DGKH: variants seen among roughly 807,000 people sequenced by gnomAD.
The protein encoded by DGKH is DAG kinase eta.
DGKH carries 90 observed loss-of-function variants against 159.3 expected under a neutral mutation model. The ratio of observed to expected loss-of-function variants is 0.57; its 90% CI spans 0.48 to 0.67. DGKH has a LOEUF of 0.67. Among genes scored for constraint, DGKH ranks in the 30% least tolerant of loss-of-function variants. DGKH has a pLI of 0.00. For synonymous variants in DGKH, 536 were observed against 553.8 expected (o/e 0.97, Z 0.45); for missense variants, 1,181 against 1,506.1 (o/e 0.78, Z 3.57).
At chr13:42,058,162 T>C (rs910540363) in intron 1 of DGKH, among the ~76,000 whole-genome samples, 1 of 152,024 alleles carries the variant, frequency 6.6e-6, no homozygotes, top group African/African-American at 2.4e-5. Flanking sequence ...AAAATAGAGA[T>C]AGGTGAAAAA....
At chr13:42,098,136 A>G (rs1158657947) in intron 1 of DGKH, among the ~76,000 whole-genome samples, 1 of 152,190 alleles carries the variant, frequency 6.6e-6, no homozygotes, top group Non-Finnish European at 1.5e-5. Context: ...GGTGTTTTTA[A>G]TTAGGAATTT....
chr13:42,200,366 G>A (rs1215839101), intron 20 of DGKH, among the ~76,000 whole-genome samples: 3 of 152,082 alleles, frequency 2.0e-5, no homozygotes, highest in Admixed American at 1.3e-4. Flanking sequence ...GAGATTTTGA[G>A]CATTTAAATG....
intron 1 of DGKH, among the ~76,000 whole-genome samples, chr13:42,114,710 A>G (rs1321418567): frequency 6.6e-6 from 1 of 152,252 alleles, no homozygotes; most frequent in Non-Finnish European, 1.5e-5. Context: ...CCATTATTAT[A>G]TTAAATAAAA....
chr13:42,190,674 T>C, intron 16 of DGKH, 149 bp downstream of exon 16: 1 of 712,206 alleles, frequency 1.4e-6, no homozygotes, highest in Non-Finnish European at 2.2e-6. Flanking sequence ...TAAATATTCA[T>C]GAATAATAAA....
rs538318702 is a variant in DGKH at position 42,249,553 on chromosome 13, G to T, written n.4055-2856G>T. On this transcript the variant is annotated intron_variant and non_coding_transcript_variant, in intron 29 of 30. Coordinates refer to the DGKH transcript ENST00000498255. ...GCCAGATAGTAATATTTTCAGCTTT[G>T]CAGGACACGTGGTCTCTGTCAGGAC... Among the ~76,000 whole-genome samples, 14 of 152,322 alleles carry T rather than the reference G, an allele frequency of 9.2e-5. No homozygotes were observed. The East Asian group carries it at 2.1e-3, about 23-fold the overall frequency.
At chr13:42,181,598 C>T in intron 13 of DGKH, 1 of 289,970 alleles carries the variant, frequency 3.4e-6, no homozygotes, top group Non-Finnish European at 7.5e-6. Context: ...TGCTGCTGTG[C>T]AGCTAGTCTC....
intron 20 of DGKH, among the ~76,000 whole-genome samples, chr13:42,205,597 C>A (rs1957445847): frequency 6.6e-6 from 1 of 152,148 alleles, no homozygotes; most frequent in Non-Finnish European, 1.5e-5. Context: ...TTTCACCAGT[C>A]CCCAGGTGGT....
chr13:42,172,079 C>G (rs1294756907), intron 11 of DGKH, among the ~76,000 whole-genome samples: 1 of 151,818 alleles, frequency 6.6e-6, no homozygotes, highest in African/African-American at 2.4e-5. Context: ...CCGCCCGCCT[C>G]GGCCTCCCAA....
At chr13:42,129,146 G>T (rs1158907379) in intron 2 of DGKH, among the ~76,000 whole-genome samples, 2 of 152,222 alleles carry the variant, frequency 1.3e-5, no homozygotes, top group Non-Finnish European at 2.9e-5. Flanking sequence ...GCTAAGCCAG[G>T]ACTGGTTCTC....
intron 1 of DGKH, among the ~76,000 whole-genome samples, chr13:42,055,454 T>C (rs1383124226): frequency 1.3e-5 from 2 of 152,212 alleles, no homozygotes; most frequent in Admixed American, 6.5e-5. Flanking sequence ...TTATTAAAGA[T>C]AAGAGACATA....
rs1226339476 is a variant in DGKH at position 42,166,527 on chromosome 13, C to T, written c.971C>T (p.Ala324Val). 16 of 1,545,342 alleles carry T rather than the reference C, an allele frequency of 1.0e-5. No homozygotes were observed. Among genetic ancestry groups the T allele is most frequent in the Non-Finnish European group, 1.2e-5 (14 of 1,145,740 alleles). ...NSTDSDGFCR[A>V]TFSFCVSPLL... Reference sequence around the variant, plus strand: ...GTTTTTTTCACAGGTTTCTGTAGAGCAACATTTTCGTTCTGTGTTAGTCCT... The same window carrying T: ...GTTTTTTTCACAGGTTTCTGTAGAGTAACATTTTCGTTCTGTGTTAGTCCT... Residue 324 changes from alanine (A) to valine (V), a missense_variant, in exon 9 of 30, where the codon GCA (alanine) becomes GTA (valine). This residue lies in a region of DGKH where 369 missense variants were observed against 519.4 expected (regional missense o/e 0.71). Coordinates refer to ENST00000337343, the MANE Select transcript of DGKH (RefSeq NM_178009.5).
chr13:42,147,067 A>T (rs1441260463), intron 3 of DGKH, among the ~76,000 whole-genome samples: 1 of 152,166 alleles, frequency 6.6e-6, no homozygotes, highest in Non-Finnish European at 1.5e-5. Context: ...GAAGGGCTAG[A>T]TGAGAGACTT....
intron 1 of DGKH, among the ~76,000 whole-genome samples, chr13:42,074,490 T>C (rs982559829): frequency 1.3e-5 from 2 of 152,156 alleles, no homozygotes; most frequent in Admixed American, 6.5e-5. Flanking sequence ...ATCAGTGACA[T>C]AGTAAAATAA....
At chr13:42,070,549 T>A in intron 1 of DGKH, 1 of 1,470,922 alleles carries the variant, frequency 6.8e-7, no homozygotes, top group Non-Finnish European at 9.5e-7. Flanking sequence ...CTTACGGGAA[T>A]AATGAGGATC....
intron 1 of DGKH, among the ~76,000 whole-genome samples, chr13:42,075,119 T>C (rs559102103): frequency 6.6e-6 from 1 of 152,372 alleles, no homozygotes; most frequent in South Asian, 2.1e-4. Context: ...GTTATACAGA[T>C]TAAACGAGAT....
intron 1 of DGKH, among the ~76,000 whole-genome samples, chr13:42,055,927 G>T (rs1020220639): frequency 6.6e-6 from 1 of 152,264 alleles, no homozygotes; most frequent in South Asian, 2.1e-4. Flanking sequence ...AGCTGGTAAG[G>T]TTGCTTAATG....
chr13:42,074,145 A>G (rs951959241), intron 1 of DGKH, among the ~76,000 whole-genome samples: 1 of 152,246 alleles, frequency 6.6e-6, no homozygotes, highest in African/African-American at 2.4e-5. Context: ...CTTAAGGTAC[A>G]TAGTGGAAAA....
At chr13:42,199,451 A>G in intron 18 of DGKH, 115 bp from the exon 19 acceptor site, 1 of 683,578 alleles carries the variant, frequency 1.5e-6, no homozygotes, top group Admixed American at 3.4e-5. Context: ...GCTAAGTTTT[A>G]CAATCTGCTA....
At chr13:42,087,746 A>AGTTTTT (rs1954335572) in intron 1 of DGKH, among the ~76,000 whole-genome samples, 1 of 142,374 alleles carries the variant, frequency 7.0e-6, no homozygotes, top group Non-Finnish European at 1.5e-5. Flanking sequence ...TGCACTGCTC[A>AGTTTTT]TTTTTTTTTT....
Sources: allele counts gnomAD v4.1 joint callset (sites outside exome capture counted in the v4.1 genomes callset), GRCh38; gene constraint gnomAD v4.1.1; regional missense constraint gnomAD v4.1.1; transcripts MANE v1.5; gene names NCBI Gene and HGNC (gene_info 2026-07-23, HGNC 2026-07-21).